Variants in MTARC1 observed in about 807,000 individuals in gnomAD.
MTARC1 encodes the protein mitochondrial amidoxime-reducing component 1.
In MTARC1, 24 loss-of-function variants were observed where a neutral mutation model predicts 33.6. That is an observed-to-expected ratio of 0.72 (90% CI 0.52 to 1.01). MTARC1 has a LOEUF of 1.01. Among genes scored for constraint, MTARC1 ranks in the 50% least tolerant of loss-of-function variants. The probability of loss-of-function intolerance (pLI) is 0.00; values close to 1 mark genes in which losing one functional copy is unlikely to be tolerated. For missense variants in MTARC1, 417 were observed against 445.7 expected, an observed-to-expected ratio of 0.94 and a Z score of 0.58; for synonymous variants, 187 against 189.5, an observed-to-expected ratio of 0.99 and a Z score of 0.11.
intron 4 of MTARC1, 79 bp downstream of exon 4, chr1:220,798,093 A>C: frequency 1.2e-6 from 2 of 1,612,722 alleles, no homozygotes; most frequent in Non-Finnish European, 1.7e-6. Context: ...ATTGGATTAG[A>C]TTATTCTGAA....
intron 4 of MTARC1, chr1:220,799,115 T>C (rs1192180441): frequency 2.0e-6 from 2 of 985,278 alleles, no homozygotes; most frequent in East Asian, 2.3e-4. Context: ...AAGGGTCAGT[T>C]TGGATAATGT....
chr1:220,810,983 A>G (rs1237738767), intron 6 of MTARC1, among the ~76,000 whole-genome samples: 1 of 152,166 alleles, frequency 6.6e-6, no homozygotes, highest in African/African-American at 2.4e-5. Context: ...AAAAAAGAGA[A>G]CATGTGTAAA....
intron 6 of MTARC1, 66 bp from the exon 7 acceptor site, chr1:220,813,226 G>A: frequency 6.2e-7 from 1 of 1,610,268 alleles, no homozygotes; most frequent in Non-Finnish European, 8.5e-7. Flanking sequence ...TGGGATGGAA[G>A]CCACGTGCTG....
chr1:220,806,876 G>A (rs1558092661), intron 6 of MTARC1, among the ~76,000 whole-genome samples: 2 of 152,218 alleles, frequency 1.3e-5, no homozygotes, highest in African/African-American at 4.8e-5. Flanking sequence ...AACAGGGTGG[G>A]TGGAGGGAAT....
chr1:220,791,769 CG>C, intron 2 of MTARC1, 105 bp downstream of exon 2: 1 of 1,246,338 alleles, frequency 8.0e-7, no homozygotes, highest in Admixed American at 2.2e-5. Context: ...AATAATGAAC[CG>C]TTGATTGCAT....
Position 220,797,768 on chromosome 1 carries a change from G to A in MTARC1, c.613-106G>A, listed in dbSNP as rs1274342217. ...CAAGAGAACTACTTTGAAAGATTGT[G>A]TGTGGGGTGGGGTGGAGCATGGAGG... On this transcript the variant is annotated intron_variant, in intron 3 of 6. Transcript: ENST00000366910. 5.9e-6 allele frequency: 6 copies of A among 1,014,516 alleles called. No individual in the cohort carries two copies. The African/African-American group carries it at 6.5e-5, about 11-fold the overall frequency. 62.8% of individuals were successfully genotyped at this position (1,014,516 alleles called of 1,614,324 possible).
chr1:220,806,285 T>G lies in MTARC1; in HGVS notation c.887+1011T>G, dbSNP rs190871753. On this transcript the variant is annotated intron_variant, in intron 6 of 6. Coordinates refer to ENST00000366910, the MANE Select transcript of MTARC1 (RefSeq NM_022746.4). ...ATTGAATGCTGAGTCACAGGCCAGGTGTCAGGTCTCTTCTCTACAGCCCCT... is the reference window on the plus strand; with the variant it reads ...ATTGAATGCTGAGTCACAGGCCAGGGGTCAGGTCTCTTCTCTACAGCCCCT... Among the ~76,000 whole-genome samples, 1,237 of 152,270 alleles carry G rather than the reference T, an allele frequency of 8.1e-3. 22 individuals are homozygous for G. The highest frequency in any genetic ancestry group is 0.028 in the African/African-American group (1,148 of 41,544).
chr1:220,818,701 T>G lies in MTARC1; in HGVS notation c.*5283T>G, dbSNP rs1389076313. ...TAAGTCTAACTTTTGTCTCCCTCTT[T>G]AGAATTTACTGGGAGTACTGTAAAT... On this transcript the variant is annotated 3_prime_UTR_variant, in exon 7 of 7. Transcript: ENST00000366910. The G allele has an allele frequency of 6.6e-6, 1 of 152,242 alleles. No individual in the cohort carries two copies. Among genetic ancestry groups the G allele is most frequent in the Non-Finnish European group, 1.5e-5 (1 of 68,036 alleles). 9.4% of individuals were successfully genotyped at this position (152,242 alleles called of 1,614,324 possible).
rs934058342 is a variant in MTARC1, at chr1:220,819,642, G to T, written c.*6224G>T. On this transcript the variant is annotated 3_prime_UTR_variant, in exon 7 of 7. Coordinates refer to ENST00000366910, the MANE Select transcript of MTARC1 (RefSeq NM_022746.4). The stretch of plus-strand genomic sequence containing the variant: ...GCTTTTGAAAAGAGAACAAAATAAA[G>T]ATTTCAAGTCTTAGCAATGTGCTGC... 8 of 152,172 alleles carry T rather than the reference G, an allele frequency of 5.3e-5. No individual in the cohort carries two copies. Among genetic ancestry groups the T allele is most frequent in the African/African-American group, 1.9e-4 (8 of 41,438 alleles). 9.4% of individuals were successfully genotyped at this position (152,172 alleles called of 1,614,324 possible). A position where few individuals can be genotyped will look rare whatever the true frequency, so the allele number is the denominator to read the frequency against.
intron 3 of MTARC1, 71 bp downstream of exon 3, chr1:220,796,876 T>G: frequency 6.7e-7 from 1 of 1,482,676 alleles, no homozygotes; most frequent in Non-Finnish European, 9.0e-7. Flanking sequence ...GTGGCATCTC[T>G]GATGACCTCG....
At chr1:220,795,609 TGGGTTTATATATAA>T (rs1672585923) in intron 2 of MTARC1, among the ~76,000 whole-genome samples, 1 of 152,212 alleles carries the variant, frequency 6.6e-6, no homozygotes, top group Non-Finnish European at 1.5e-5. Flanking sequence ...TTTATATATA[TGGGTTTATATATAA>T]ATTTATGTGG....
intron 2 of MTARC1, 126 bp from the exon 3 acceptor site, chr1:220,796,517 C>A: frequency 2.5e-6 from 3 of 1,182,070 alleles, no homozygotes; most frequent in Non-Finnish European, 3.4e-6. Flanking sequence ...AAAATTACAT[C>A]TTCTGATAAT....
At chr1:220,807,959 G>A (rs544220111) in intron 6 of MTARC1, among the ~76,000 whole-genome samples, 1 of 152,138 alleles carries the variant, frequency 6.6e-6, no homozygotes, top group Admixed American at 6.5e-5. Context: ...ACCCCTGCCC[G>A]CACTCAGACC....
At chr1:220,800,839 TTC>T (rs939698590) in intron 4 of MTARC1, among the ~76,000 whole-genome samples, 18 of 152,056 alleles carry the variant, frequency 1.2e-4, no homozygotes, top group African/African-American at 4.1e-4. Context: ...CCCCTTGTTC[TTC>T]TCTTTCTCTC....
chr1:220,793,166 A>C (rs1479582822), intron 2 of MTARC1: 1 of 152,204 alleles, frequency 6.6e-6, no homozygotes, highest in Admixed American at 6.5e-5. Context: ...CAAAAATGAT[A>C]ATTTCTTGTT....
intron 2 of MTARC1, among the ~76,000 whole-genome samples, 189 bp from the exon 3 acceptor site, chr1:220,796,454 G>T (rs1672620491): frequency 6.6e-6 from 1 of 152,122 alleles, no homozygotes; most frequent in African/African-American, 2.4e-5. Flanking sequence ...TGCTTAAAGG[G>T]GTGCTTTCAT....
chr1:220,799,227 C>T (rs1263331558), intron 4 of MTARC1: 2 of 956,796 alleles, frequency 2.1e-6, no homozygotes, highest in African/African-American at 1.8e-5. Context: ...TTGCTCCAAA[C>T]TTCCAAGGGT....
intron 4 of MTARC1, among the ~76,000 whole-genome samples, chr1:220,804,168 C>G (rs2102602812): frequency 6.6e-6 from 1 of 152,202 alleles, no homozygotes; most frequent in South Asian, 2.1e-4. Flanking sequence ...GCCTGGAGTC[C>G]CCTTACCCTT....
intron 4 of MTARC1, chr1:220,798,907 G>A: frequency 1.0e-6 from 1 of 985,388 alleles, no homozygotes; most frequent in Non-Finnish European, 1.2e-6. Flanking sequence ...CACTTTTGCT[G>A]TACGGAGGCA....
Sources: allele counts gnomAD v4.1 joint callset (sites outside exome capture counted in the v4.1 genomes callset), GRCh38; gene constraint gnomAD v4.1.1; transcripts MANE v1.5; gene names NCBI Gene and HGNC (gene_info 2026-07-23, HGNC 2026-07-21).